The following CACNA1A variants were observed in gnomAD, a reference collection of about 807,000 sequenced individuals.
CACNA1A encodes the protein voltage-dependent P/Q-type calcium channel subunit alpha-1A.
CACNA1A carries 57 observed loss-of-function variants against 262.4 expected under a neutral mutation model. The observed-to-expected ratio is 0.22, with a 90% CI of 0.18 to 0.27. CACNA1A has a LOEUF of 0.27. Among genes scored for constraint, CACNA1A ranks in the 10% least tolerant of loss-of-function variants. CACNA1A has a pLI of 1.00. For missense variants in CACNA1A, 2,526 were observed against 3,562.8 expected, an observed-to-expected ratio of 0.71 and a Z score of 7.41; for synonymous variants, 1,431 against 1,419.3, an observed-to-expected ratio of 1.01 and a Z score of -0.18.
chr19:13,432,086 AGAGT>A (rs1445629439), intron 3 of CACNA1A, among the ~76,000 whole-genome samples: 1 of 134,866 alleles, frequency 7.4e-6, no homozygotes, highest in African/African-American at 2.9e-5. Flanking sequence ...GCCTAGCAAG[AGAGT>A]GAGACTCCGT....
At chr19:13,443,228 G>A (rs554334477) in intron 3 of CACNA1A, among the ~76,000 whole-genome samples, 4 of 152,124 alleles carry the variant, frequency 2.6e-5, no homozygotes, top group African/African-American at 7.2e-5. Context: ...TCTGCTATAA[G>A]CAACAGAAAA....
intron 29 of CACNA1A, among the ~76,000 whole-genome samples, chr19:13,254,027 C>T (rs534176469): frequency 1.3e-5 from 2 of 152,334 alleles, no homozygotes; most frequent in South Asian, 2.1e-4. Context: ...GTGTGAGCCA[C>T]CTTGCCCGGC....
Position 13,249,220 on chromosome 19 carries a change from A to G in CACNA1A, c.4866+3771T>C, listed in dbSNP as rs554789197. On this transcript the variant is annotated intron_variant, in intron 30 of 46. Transcript: ENST00000360228. ...GTTCAAGCAATTCTTCTGCCTTGGC[A>G]GAAGTCCCAAAGTGCTGGGACTACA... is the stretch of plus-strand genomic sequence containing the variant. 3.3e-5 allele frequency among the ~76,000 whole-genome samples: 5 copies of G among 152,274 alleles called. No homozygotes were observed. In the South Asian group the frequency reaches 1.0e-3, roughly 32 times the overall value.
At chr19:13,395,050 G>A (rs1250099111) in intron 3 of CACNA1A, among the ~76,000 whole-genome samples, 12 of 151,808 alleles carry the variant, frequency 7.9e-5, no homozygotes, top group Non-Finnish European at 1.8e-4. Flanking sequence ...GACGTGGGTG[G>A]ATCACTTGAG....
intron 3 of CACNA1A, among the ~76,000 whole-genome samples, chr19:13,408,378 A>G (rs943209456): frequency 6.6e-6 from 1 of 152,178 alleles, no homozygotes; most frequent in Non-Finnish European, 1.5e-5. Flanking sequence ...TCAAAAATAT[A>G]TATGTGGTGA....
At chr19:13,229,034 C>A in intron 36 of CACNA1A, 1 of 288,064 alleles carries the variant, frequency 3.5e-6, no homozygotes, top group Non-Finnish European at 6.5e-6. Flanking sequence ...GCATCTGCCT[C>A]CTCCACAGTC....
intron 24 of CACNA1A, chr19:13,263,444 CA>C: frequency 6.5e-6 from 1 of 153,772 alleles, no homozygotes; most frequent in South Asian, 2.0e-4. Flanking sequence ...GCTGGGATTA[CA>C]GGTGTGAGCC....
In CACNA1A at chr19:13,359,785, C is replaced by A; in HGVS notation, c.799G>T (p.Glu267Ter). 6.5e-7 allele frequency: 1 copy of A among 1,530,054 alleles called. No homozygotes were observed. Among genetic ancestry groups the A allele is most frequent in the South Asian group, 1.2e-5 (1 of 80,204 alleles). The allele number at this position is 1,530,054 out of a possible 1,614,324, so 94.8% of individuals were successfully genotyped here. The change falls in exon 6 of 47, where the codon GAG (glutamate) becomes TAG (stop). Residue 267 changes from glutamate to a stop codon, truncating the protein, a stop_gained. Transcript: ENST00000360228. LOFTEE classifies it high-confidence loss of function. ...TCTGTCCCACATGGAGCCGGAGACTCACCCTGAATGTCATCTACAAAAGGG... is the reference window on the plus strand; with the variant it reads ...TCTGTCCCACATGGAGCCGGAGACTAACCCTGAATGTCATCTACAAAAGGG... ...FEEGTDDIQG[E>*]SPAPCGTEEP...
intron 24 of CACNA1A, among the ~76,000 whole-genome samples, chr19:13,268,629 T>C (rs371163621): frequency 6.6e-6 from 1 of 151,848 alleles, no homozygotes; most frequent in East Asian, 1.9e-4. Flanking sequence ...AGAGATGGGG[T>C]TTCACCGTGT....
Position 13,212,617 on chromosome 19 carries a change from G to A in CACNA1A, c.6050+14C>T. 1 of 1,513,710 alleles carries A rather than the reference G, an allele frequency of 6.6e-7. No homozygotes were observed. The highest frequency in any genetic ancestry group is 8.9e-7 in the Non-Finnish European group (1 of 1,125,066). 93.8% of individuals were successfully genotyped at this position (1,513,710 alleles called of 1,614,324 possible). Reference sequence around the variant, plus strand: ...ACCCCCACACTCCACCTCCCTGGCAGGGGTGACACTCACAGGGCTCCTCCT... The same window carrying A: ...ACCCCCACACTCCACCTCCCTGGCAAGGGTGACACTCACAGGGCTCCTCCT... On this transcript the variant is annotated intron_variant, in intron 41 of 46. Coordinates refer to ENST00000360228, the MANE Select transcript of CACNA1A (RefSeq NM_001127222.2). The surrounding 1 kb of genome is among the most constrained non-coding windows in gnomAD (Gnocchi z 5.6).
At chr19:13,436,436 T>C (rs1331204967) in intron 3 of CACNA1A, among the ~76,000 whole-genome samples, 3 of 152,136 alleles carry the variant, frequency 2.0e-5, no homozygotes, top group African/African-American at 7.2e-5. Context: ...CTTCTGTCCA[T>C]CCCCTAGCAA....
At chr19:13,425,518 C>T (rs1031357322) in intron 3 of CACNA1A, among the ~76,000 whole-genome samples, 5 of 152,190 alleles carry the variant, frequency 3.3e-5, no homozygotes, top group Non-Finnish European at 5.9e-5. Context: ...TTTCCATTCC[C>T]AGAGATTTTT....
chr19:13,372,519 G>A (rs1215406045), intron 3 of CACNA1A, among the ~76,000 whole-genome samples: 1 of 152,164 alleles, frequency 6.6e-6, no homozygotes, highest in Non-Finnish European at 1.5e-5. Flanking sequence ...TCAGTGTTAA[G>A]AGCCCAGCCT....
intron 1 of CACNA1A, among the ~76,000 whole-genome samples, chr19:13,462,818 G>A: frequency 6.6e-6 from 1 of 152,118 alleles, no homozygotes; most frequent in East Asian, 1.9e-4. Context: ...GAAATACAGT[G>A]GCACGATCAC....
Position 13,427,985 on chromosome 19 carries a change from G to A in CACNA1A, c.539+24891C>T, listed in dbSNP as rs142435225. On this transcript the variant is annotated intron_variant, in intron 3 of 46. Transcript: ENST00000360228. ...TGTGACAGAGTTTCACTCTTGGAGT[G>A]CAGTGGAGTGATCTCGACTCACTGC... 9.9e-5 allele frequency among the ~76,000 whole-genome samples: 15 copies of A among 152,044 alleles called. No individual in the cohort carries two copies. In the East Asian group the frequency reaches 2.9e-3, roughly 29 times the overall value.
chr19:13,346,063 GCTAA>G (rs952999459), intron 6 of CACNA1A, among the ~76,000 whole-genome samples: 7 of 152,016 alleles, frequency 4.6e-5, no homozygotes, highest in Non-Finnish European at 1.0e-4. Context: ...ACCACGCCTG[GCTAA>G]CTTTTTTGTA....
chr19:13,343,017 AG>A (rs2058702383), intron 6 of CACNA1A, among the ~76,000 whole-genome samples: 1 of 151,994 alleles, frequency 6.6e-6, no homozygotes, highest in African/African-American at 2.4e-5. Flanking sequence ...AGCCTCCCAA[AG>A]TGCTGGGATT....
intron 35 of CACNA1A, among the ~76,000 whole-genome samples, chr19:13,230,750 T>A (rs903278486): frequency 8.6e-5 from 13 of 150,364 alleles, no homozygotes; most frequent in African/African-American, 3.2e-4. Context: ...GAGGCTGCAG[T>A]GAGCTGAGGT....
chr19:13,299,860 T>G (rs1205288160), intron 18 of CACNA1A, among the ~76,000 whole-genome samples: 2 of 152,182 alleles, frequency 1.3e-5, no homozygotes, highest in African/African-American at 2.4e-5. Context: ...TCCACAGACC[T>G]AGGTGTGGGG....
Sources: allele counts gnomAD v4.1 joint callset (sites outside exome capture counted in the v4.1 genomes callset), GRCh38; gene constraint gnomAD v4.1.1; non-coding constraint Gnocchi (gnomAD v3.1); transcripts MANE v1.5; gene names NCBI Gene and HGNC (gene_info 2026-07-23, HGNC 2026-07-21).